FAM83D: variants seen among roughly 807,000 people sequenced by gnomAD.
FAM83D encodes scaffolding CK1 anchoring protein D, also known as protein FAM83D.
Under a neutral mutation model 25.4 loss-of-function variants are expected in FAM83D, and 26 were observed. The ratio of observed to expected loss-of-function variants is 1.02; its 90% CI spans 0.75 to 1.42. FAM83D has a LOEUF of 1.42. Ranked by LOEUF, FAM83D falls within the 40% of genes most tolerant of loss-of-function variation. FAM83D has a pLI of 0.00. For missense variants in FAM83D, 740 were observed against 758.1 expected (o/e 0.98, Z 0.28); for synonymous variants, 310 against 318.5 (o/e 0.97, Z 0.28).
At chr20:38,949,318 A>C (rs938326592) in intron 3 of FAM83D, among the ~76,000 whole-genome samples, 42 of 151,652 alleles carry the variant, frequency 2.8e-4, no homozygotes, top group African/African-American at 9.9e-4. Context: ...TGCCACCATG[A>C]CTGGCTAATT....
chr20:38,931,809 T>C (rs2085659872), intron 1 of FAM83D, among the ~76,000 whole-genome samples: 1 of 152,246 alleles, frequency 6.6e-6, no homozygotes, highest in South Asian at 2.1e-4. Flanking sequence ...GTGTGTCTGA[T>C]ACATAAAAGA....
intron 1 of FAM83D, among the ~76,000 whole-genome samples, chr20:38,935,895 C>A (rs2085676843): frequency 6.6e-6 from 1 of 152,150 alleles, no homozygotes; most frequent in Non-Finnish European, 1.5e-5. Flanking sequence ...GACAAAATCC[C>A]AAGGAGATTA....
intron 2 of FAM83D, 65 bp downstream of exon 2, chr20:38,942,191 C>A: frequency 6.4e-7 from 1 of 1,559,814 alleles, no homozygotes; most frequent in Non-Finnish European, 8.8e-7. Flanking sequence ...CCATTATCTA[C>A]AAGCTGGCTG....
intron 3 of FAM83D, among the ~76,000 whole-genome samples, chr20:38,948,525 T>C (rs1047447260): frequency 1.3e-5 from 2 of 152,242 alleles, no homozygotes; most frequent in Non-Finnish European, 2.9e-5. Context: ...ACCTTTGAAG[T>C]GTCACATTGG....
intron 1 of FAM83D, among the ~76,000 whole-genome samples, chr20:38,936,001 G>A (rs184970477): frequency 2.2e-3 from 333 of 152,320 alleles, no homozygotes; most frequent in Non-Finnish European, 3.9e-3. Flanking sequence ...AGGAAGTGAA[G>A]GGTCAATGGA....
rs777085698 is a variant in FAM83D at position 38,952,424 on chromosome 20, C to T, written c.1662C>T (p.Leu554=). The T allele has an allele frequency of 6.2e-7, 1 of 1,614,156 alleles. No individual in the cohort carries two copies. Among genetic ancestry groups the T allele is most frequent in the East Asian group, 2.2e-5 (1 of 44,884 alleles). The part of the protein sequence containing the change: ...HMLAMLSRRT[L]FTENHLGLHS... ...TGGCTATGCTGTCAAGGAGAACACT[C>T]TTTACTGAAAACCACCTTGGCCTTC... Residue 554 remains leucine (L), a synonymous_variant, in exon 4 of 4, where the codon CTC becomes CTT. Transcript: ENST00000619850.
At chr20:38,942,458 A>G (rs1334410304) in intron 2 of FAM83D, among the ~76,000 whole-genome samples, 1 of 152,266 alleles carries the variant, frequency 6.6e-6, no homozygotes, top group Non-Finnish European at 1.5e-5. Flanking sequence ...TTCATACAAT[A>G]GCATACTATT....
chr20:38,930,150 C>T (rs964176994), intron 1 of FAM83D, among the ~76,000 whole-genome samples: 2 of 152,156 alleles, frequency 1.3e-5, no homozygotes, highest in African/African-American at 4.8e-5. Flanking sequence ...AAATCTAGTA[C>T]CTGTGACAGC....
chr20:38,945,349 C>T (rs2085722226), intron 2 of FAM83D, among the ~76,000 whole-genome samples: 1 of 152,112 alleles, frequency 6.6e-6, no homozygotes, highest in Non-Finnish European at 1.5e-5. Flanking sequence ...AAGCTCTCCT[C>T]CCACCAAGTC....
chr20:38,946,154 G>A (rs2085726980), intron 2 of FAM83D, among the ~76,000 whole-genome samples: 1 of 138,810 alleles, frequency 7.2e-6, no homozygotes, highest in African/African-American at 2.7e-5. Context: ...AGGTTGCAGT[G>A]AGCCGAGATT....
At chr20:38,927,777 G>A (rs1307532150) in intron 1 of FAM83D, among the ~76,000 whole-genome samples, 1 of 151,870 alleles carries the variant, frequency 6.6e-6, no homozygotes, top group Non-Finnish European at 1.5e-5. Flanking sequence ...AGGATTACAG[G>A]CGTGAGCCAC....
chr20:38,946,214 A>C (rs6028219), intron 2 of FAM83D, among the ~76,000 whole-genome samples: 6,004 of 151,682 alleles, frequency 0.04, 372 homozygotes, highest in African/African-American at 0.13. Flanking sequence ...AAAAAAAAAA[A>C]AAAAAACAAT....
At chr20:38,949,635 G>C (rs1236342380) in intron 3 of FAM83D, among the ~76,000 whole-genome samples, 1 of 152,196 alleles carries the variant, frequency 6.6e-6, no homozygotes, top group African/African-American at 2.4e-5. Flanking sequence ...GTGATGGCAA[G>C]TGTCAGCTAA....
intron 2 of FAM83D, among the ~76,000 whole-genome samples, chr20:38,946,610 C>A (rs1280530043): frequency 6.6e-6 from 1 of 152,244 alleles, no homozygotes; most frequent in Admixed American, 6.5e-5. Flanking sequence ...CCCCTAGCAA[C>A]CACTAATTTG....
intron 1 of FAM83D, among the ~76,000 whole-genome samples, chr20:38,931,373 G>C (rs190602096): frequency 6.6e-6 from 1 of 152,194 alleles, no homozygotes; most frequent in Non-Finnish European, 1.5e-5. Flanking sequence ...CTGAGTTTAG[G>C]TTTTGTAAAC....
At chr20:38,933,887 G>A (rs149658781) in intron 1 of FAM83D, among the ~76,000 whole-genome samples, 4,516 of 147,798 alleles carry the variant, frequency 0.031, 84 homozygotes, top group East Asian at 0.087. Flanking sequence ...TGAGAGTCTC[G>A]CTCTGTCGCC....
At chr20:38,935,149 G>A (rs559778003) in intron 1 of FAM83D, among the ~76,000 whole-genome samples, 1 of 152,288 alleles carries the variant, frequency 6.6e-6, no homozygotes, top group South Asian at 2.1e-4. Context: ...TGGAAACTAA[G>A]TATCTTTGAA....
intron 1 of FAM83D, among the ~76,000 whole-genome samples, chr20:38,941,515 CT>C (rs1160738180): frequency 6.6e-6 from 1 of 152,154 alleles, no homozygotes; most frequent in African/African-American, 2.4e-5. Flanking sequence ...GTTTTATTTA[CT>C]TGTTTAACGG....
At chr20:38,947,562 T>C (rs1251409788) in intron 2 of FAM83D, among the ~76,000 whole-genome samples, 1 of 152,280 alleles carries the variant, frequency 6.6e-6, no homozygotes, top group Non-Finnish European at 1.5e-5. Context: ...TCTTGGATTC[T>C]GTTGTTTAGT....
Sources: gnomAD v4.1 joint callset for allele counts (sites outside exome capture counted in the v4.1 genomes callset) on GRCh38, gnomAD v4.1.1 for gene constraint, MANE v1.5 for transcripts, NCBI Gene and HGNC (gene_info 2026-07-23, HGNC 2026-07-21) for gene names.